Variants in TTLL11 observed in about 807,000 individuals in gnomAD.
TTLL11 encodes the protein tubulin tyrosine ligase like 11, also known as tubulin polyglutamylase TTLL11.
In TTLL11, 42 loss-of-function variants were observed where a neutral mutation model predicts 51.7. That is an observed-to-expected ratio of 0.81 (90% confidence interval 0.64 to 1.05). The LOEUF (loss-of-function observed/expected upper bound fraction) is 1.05. TTLL11 is among the 50% of genes least tolerant of loss of function. TTLL11 has a pLI of 0.00. For synonymous variants in TTLL11, 381 were observed against 383.5 expected (o/e 0.99, Z 0.08); for missense variants, 799 against 940.4 (o/e 0.85, Z 1.97).
intron 6 of TTLL11, among the ~76,000 whole-genome samples, chr9:121,933,585 AAGG>A (rs1385880225): frequency 6.6e-6 from 1 of 152,216 alleles, no homozygotes; most frequent in Non-Finnish European, 1.5e-5. Context: ...AACAGAAATG[AAGG>A]CAGGAAAAAT....
intron 6 of TTLL11, among the ~76,000 whole-genome samples, chr9:121,899,391 A>G (rs1475903493): frequency 3.2e-5 from 4 of 126,658 alleles, no homozygotes; most frequent in Admixed American, 8.7e-5. Context: ...ATATATATAT[A>G]TATATATATA....
chr9:121,879,888 C>T (rs1013377513), intron 6 of TTLL11, among the ~76,000 whole-genome samples: 1 of 151,892 alleles, frequency 6.6e-6, no homozygotes, highest in Non-Finnish European at 1.5e-5. Context: ...TTGCTTGAAC[C>T]CGGGAAACAA....
At chr9:121,913,983 C>T (rs1469145621) in intron 6 of TTLL11, among the ~76,000 whole-genome samples, 1 of 152,136 alleles carries the variant, frequency 6.6e-6, no homozygotes, top group African/African-American at 2.4e-5. Flanking sequence ...TTAACTCTTA[C>T]AGTAATTCTG....
intron 3 of TTLL11, among the ~76,000 whole-genome samples, chr9:122,015,194 G>T (rs1843927801): frequency 6.6e-6 from 1 of 152,192 alleles, no homozygotes; most frequent in Non-Finnish European, 1.5e-5. Context: ...TGATGAACAG[G>T]ACCTAAGTAT....
At chr9:121,855,640 G>A (rs7032484) in intron 8 of TTLL11, among the ~76,000 whole-genome samples, 80,738 of 151,970 alleles carry the variant, frequency 0.53, 22,028 homozygotes, top group East Asian at 0.72. Flanking sequence ...CCAAATGGGC[G>A]TTCAGAGGAG....
In TTLL11 at chr9:121,974,896, T is replaced by A. The variant is rs879013248; in HGVS notation, c.1353A>T (p.Glu451Asp). The A allele has an allele frequency of 1.9e-6, 3 of 1,546,598 alleles. No individual in the cohort carries two copies. The South Asian group carries it at 3.6e-5, about 19-fold the overall frequency. The change falls in exon 5 of 9, where the codon GAA (glutamate) becomes GAT (aspartate). Residue 451 changes from glutamate to aspartate, a missense_variant. By Grantham distance (45) the Glu-to-Asp change is conservative. This residue lies in a region of TTLL11 where 468 missense variants were observed against 612.8 expected (regional missense o/e 0.76). Transcript: ENST00000321582. ...TCAAAATACTTACTTCGTGCTCATG[T>A]TCGATTCTCATACTGGGATTTGCAT... ...EVNANPSMRI[E>D]HEHELSPGVF...
chr9:122,077,765 T>C (rs1845897794), intron 1 of TTLL11, among the ~76,000 whole-genome samples: 1 of 151,686 alleles, frequency 6.6e-6, no homozygotes, highest in Non-Finnish European at 1.5e-5. Context: ...AGAATGCATG[T>C]TGTTTTCAAG....
At chr9:121,896,364 C>T (rs1839526165) in intron 6 of TTLL11, among the ~76,000 whole-genome samples, 1 of 152,182 alleles carries the variant, frequency 6.6e-6, no homozygotes, top group Non-Finnish European at 1.5e-5. Flanking sequence ...ACCCCTCAGC[C>T]CTTCACTTTT....
At chr9:121,893,233 G>C (rs1302543380) in intron 6 of TTLL11, among the ~76,000 whole-genome samples, 1 of 151,998 alleles carries the variant, frequency 6.6e-6, no homozygotes, top group African/African-American at 2.4e-5. Flanking sequence ...AGCAGACAAA[G>C]AGGGAAAAAA....
At chr9:122,092,044 A>T (rs1846271748) in intron 1 of TTLL11, among the ~76,000 whole-genome samples, 2 of 152,204 alleles carry the variant, frequency 1.3e-5, no homozygotes, top group Non-Finnish European at 2.9e-5. Context: ...GTGGAAGAAG[A>T]GAGAAAGGAG....
chr9:122,017,795 T>C (rs1225076566), intron 3 of TTLL11, among the ~76,000 whole-genome samples: 2 of 152,104 alleles, frequency 1.3e-5, no homozygotes, highest in East Asian at 3.9e-4. Flanking sequence ...ATAATGCATC[T>C]ATGCAGCACT....
chr9:121,934,992 TC>T (rs1448511152), intron 6 of TTLL11, among the ~76,000 whole-genome samples: 3 of 152,164 alleles, frequency 2.0e-5, no homozygotes, highest in African/African-American at 7.2e-5. Context: ...TCTAGCTCTG[TC>T]ACCCAGGCTG....
intron 6 of TTLL11, among the ~76,000 whole-genome samples, chr9:121,914,038 G>C (rs574271000): frequency 1.3e-5 from 2 of 152,168 alleles, no homozygotes; most frequent in Non-Finnish European, 2.9e-5. Context: ...AGAAACTAAG[G>C]CTCAAAGAGG....
At chr9:121,983,659 C>T (rs1329765460) in intron 4 of TTLL11, among the ~76,000 whole-genome samples, 2 of 152,148 alleles carry the variant, frequency 1.3e-5, no homozygotes, top group East Asian at 3.9e-4. Flanking sequence ...TTAAGCATCT[C>T]CTCCTCTGGG....
At chr9:122,045,610 T>C (rs375030706) in intron 1 of TTLL11, among the ~76,000 whole-genome samples, 12 of 152,172 alleles carry the variant, frequency 7.9e-5, no homozygotes, top group Admixed American at 2.0e-4. Flanking sequence ...CCAACATTCA[T>C]AGGAGCATAT....
At chr9:121,838,954 GC>G (rs764889488) in intron 8 of TTLL11, among the ~76,000 whole-genome samples, 2 of 152,102 alleles carry the variant, frequency 1.3e-5, no homozygotes, top group Non-Finnish European at 2.9e-5. Context: ...TGTAACCCAC[GC>G]CCCTGCTCCC....
chr9:121,847,207 C>CAAAAAAAAAAAAA (rs56213031), intron 8 of TTLL11, among the ~76,000 whole-genome samples: 1 of 113,722 alleles, frequency 8.8e-6, no homozygotes, highest in African/African-American at 3.2e-5. Flanking sequence ...GACTCCGTCT[C>CAAAAAAAAAAAAA]AAAAAAAAAA....
intron 1 of TTLL11, among the ~76,000 whole-genome samples, chr9:122,063,682 T>C (rs1301946238): frequency 6.6e-6 from 1 of 152,238 alleles, no homozygotes; most frequent in African/African-American, 2.4e-5. Flanking sequence ...CAGAAAAGCA[T>C]GCTAATGCTT....
At chr9:121,965,097 T>C (rs1267794701) in intron 6 of TTLL11, among the ~76,000 whole-genome samples, 1 of 152,226 alleles carries the variant, frequency 6.6e-6, no homozygotes, top group African/African-American at 2.4e-5. Flanking sequence ...CAAATAAGTA[T>C]GCAAATATTC....
Sources: allele counts gnomAD v4.1 joint callset (sites outside exome capture counted in the v4.1 genomes callset), GRCh38; gene constraint gnomAD v4.1.1; regional missense constraint gnomAD v4.1.1; transcripts MANE v1.5; gene names NCBI Gene and HGNC (gene_info 2026-07-23, HGNC 2026-07-21).